ARHGAP42: variants seen among roughly 807,000 people sequenced by gnomAD.
ARHGAP42 encodes the protein Rho GTPase activating protein 42.
ARHGAP42 carries 63 observed loss-of-function variants against 125.0 expected under a neutral mutation model. The ratio of observed to expected loss-of-function variants is 0.50; its 90% confidence interval spans 0.41 to 0.62. ARHGAP42 has a LOEUF of 0.62. Ranked by LOEUF, ARHGAP42 falls within the 20% of genes least tolerant of loss-of-function variation. The pLI is 0.00. For synonymous variants in ARHGAP42, 339 were observed against 351.0 expected (o/e 0.97, Z 0.38); for missense variants, 766 against 1,024.2 (o/e 0.75, Z 3.44).
intron 3 of ARHGAP42, among the ~76,000 whole-genome samples, chr11:100,858,086 GGTGTGTGTGTGTGTGT>G (rs201861404): frequency 9.2e-6 from 1 of 108,920 alleles, no homozygotes; most frequent in Non-Finnish European, 2.2e-5. Flanking sequence ...TCTGGATAGG[GGTGTGTGTGTGTGTGT>G]GTGTGTGTGT....
intron 1 of ARHGAP42, among the ~76,000 whole-genome samples, chr11:100,745,122 T>TAATG (rs1265467914): frequency 6.6e-6 from 1 of 152,092 alleles, no homozygotes; most frequent in Non-Finnish European, 1.5e-5. Context: ...GTGGAGCAGG[T>TAATG]AATGGGAATA....
intron 2 of ARHGAP42, among the ~76,000 whole-genome samples, chr11:100,793,126 C>T (rs1863610888): frequency 6.6e-6 from 1 of 152,146 alleles, no homozygotes; most frequent in Non-Finnish European, 1.5e-5. Flanking sequence ...CTCTTGACTT[C>T]TTTCTCTGTA....
At chr11:100,736,142 C>G (rs1415889362) in intron 1 of ARHGAP42, among the ~76,000 whole-genome samples, 1 of 152,132 alleles carries the variant, frequency 6.6e-6, no homozygotes, top group Non-Finnish European at 1.5e-5. Context: ...ATGTGGTTAG[C>G]CCAAGGTTGT....
Position 100,992,973 on chromosome 11 carries a change from T to G in ARHGAP42, c.*4172T>G, listed in dbSNP as rs539373068. 1.1e-5 allele frequency: 4 copies of G among 376,322 alleles called. No individual in the cohort carries two copies. The highest frequency in any genetic ancestry group is 7.8e-4 in the Middle Eastern group (1 of 1,288). 23.3% of individuals were successfully genotyped at this position (376,322 alleles called of 1,614,324 possible). A position where few individuals can be genotyped will look rare whatever the true frequency, so the allele number is the denominator to read the frequency against. On this transcript the variant is annotated 3_prime_UTR_variant, in exon 24 of 24. Coordinates refer to ENST00000298815, the MANE Select transcript of ARHGAP42 (RefSeq NM_152432.4). The stretch of plus-strand genomic sequence containing the variant: ...CTTGGTGCTCTATGGAGAAATGGAG[T>G]CTGTGTGCTTACTGAAGAGTCCCAA...
chr11:100,855,561 T>TG (rs1449174894), intron 3 of ARHGAP42, among the ~76,000 whole-genome samples: 1 of 151,998 alleles, frequency 6.6e-6, no homozygotes. Context: ...CATGATTATG[T>TG]GGGGGAAAAA....
intron 2 of ARHGAP42, among the ~76,000 whole-genome samples, chr11:100,777,934 G>C (rs1863170014): frequency 6.6e-6 from 1 of 152,152 alleles, no homozygotes; most frequent in South Asian, 2.1e-4. Context: ...TATAATCCTA[G>C]TGCTTGCAGA....
intron 8 of ARHGAP42, among the ~76,000 whole-genome samples, 183 bp from the exon 9 acceptor site, chr11:100,941,601 G>A (rs1337228206): frequency 3.0e-5 from 1 of 32,922 alleles, no homozygotes; most frequent in Non-Finnish European, 5.9e-5. Context: ...CACGTTGTCT[G>A]ATTCTAAGAC....
chr11:100,889,470 T>G (rs989294097), intron 4 of ARHGAP42, among the ~76,000 whole-genome samples: 1 of 152,124 alleles, frequency 6.6e-6, no homozygotes, highest in African/African-American at 2.4e-5. Flanking sequence ...ATACCAAACC[T>G]CCTACTGCCT....
At position 100,752,323 on chromosome 11, in the gene ARHGAP42, T is replaced by C. The variant is rs547382283; in HGVS notation, c.155-18020T>C. ...AAGTTCCCTTTTCCAAGGCCCTTCA[T>C]GAGCACCAGGGCTGCCTGCCTGTTG... On this transcript the variant is annotated intron_variant, in intron 1 of 23. Coordinates refer to ENST00000298815, the MANE Select transcript of ARHGAP42 (RefSeq NM_152432.4). 1.1e-4 allele frequency among the ~76,000 whole-genome samples: 16 copies of C among 152,310 alleles called. No individual in the cohort carries two copies. The South Asian group carries it at 1.9e-3, about 18-fold the overall frequency.
At chr11:100,892,097 C>A (rs749905437) in intron 4 of ARHGAP42, among the ~76,000 whole-genome samples, 1 of 152,138 alleles carries the variant, frequency 6.6e-6, no homozygotes, top group African/African-American at 2.4e-5. Flanking sequence ...GCTACATTTA[C>A]GGAAAGCCTT....
At chr11:100,896,794 G>C (rs1419000760) in intron 4 of ARHGAP42, among the ~76,000 whole-genome samples, 1 of 152,140 alleles carries the variant, frequency 6.6e-6, no homozygotes, top group Non-Finnish European at 1.5e-5. Context: ...TAGGTTGCCT[G>C]TTCACTCTGA....
rs188956472 is a variant in ARHGAP42, at chr11:100,772,160, C to A, written c.250+1722C>A. On this transcript the variant is annotated intron_variant, in intron 2 of 23. Coordinates refer to ENST00000298815, the MANE Select transcript of ARHGAP42 (RefSeq NM_152432.4). The stretch of plus-strand genomic sequence containing the variant: ...CTAAGTAGCAAGTCTTAGCACAGAC[C>A]TCGCTGTGAAACAAAAGGGCAATGT... Among the ~76,000 whole-genome samples, 4 of 152,216 alleles carry A rather than the reference C, an allele frequency of 2.6e-5. No individual in the cohort carries two copies. The East Asian group carries it at 7.7e-4, about 29-fold the overall frequency.
chr11:100,893,159 G>GTGTGTGTGTGTA (rs1491183936), intron 4 of ARHGAP42, among the ~76,000 whole-genome samples: 1 of 6,614 alleles, frequency 1.5e-4, no homozygotes, highest in African/African-American at 2.1e-3. Context: ...ACATTTAGGG[G>GTGTGTGTGTGTA]TGTGTGTGTG....
At chr11:100,761,079 GC>G (rs1356081333) in intron 1 of ARHGAP42, among the ~76,000 whole-genome samples, 4 of 151,990 alleles carry the variant, frequency 2.6e-5, no homozygotes, top group African/African-American at 7.2e-5. Context: ...TTACTGGGAA[GC>G]TTAGGAAAAT....
In ARHGAP42 at chr11:100,882,634, C is replaced by G. The variant is rs139899522; in HGVS notation, c.384+23009C>G. On this transcript the variant is annotated intron_variant, in intron 4 of 23. Transcript: ENST00000298815. ...CCTCATAGAATGATTTAAGGATTCC[C>G]TCTTTCTCTCTCTTGTGGAATAGTG... Among the ~76,000 whole-genome samples, 769 of 152,040 alleles carry G rather than the reference C, an allele frequency of 5.1e-3. 5 individuals carry two copies. The highest frequency in any genetic ancestry group is 0.018 in the African/African-American group (729 of 41,488).
chr11:100,704,528 A>G (rs1861447272), intron 1 of ARHGAP42, among the ~76,000 whole-genome samples: 1 of 152,182 alleles, frequency 6.6e-6, no homozygotes, highest in Admixed American at 6.5e-5. Flanking sequence ...TTCATTCCTC[A>G]GACTGCTCTA....
chr11:100,715,670 T>A (rs1404240284), intron 1 of ARHGAP42, among the ~76,000 whole-genome samples: 1 of 152,146 alleles, frequency 6.6e-6, no homozygotes, highest in African/African-American at 2.4e-5. Context: ...GGCTTTAGAG[T>A]CCTCCTCTGA....
At chr11:100,716,548 G>T (rs895357249) in intron 1 of ARHGAP42, among the ~76,000 whole-genome samples, 9 of 152,090 alleles carry the variant, frequency 5.9e-5, no homozygotes, top group African/African-American at 2.2e-4. Context: ...GGACTCACTT[G>T]TATGTTTATT....
intron 22 of ARHGAP42, among the ~76,000 whole-genome samples, chr11:100,982,875 G>T (rs1221074428): frequency 2.6e-5 from 4 of 152,130 alleles, no homozygotes; most frequent in Non-Finnish European, 5.9e-5. Context: ...ATAAATCACT[G>T]GTTTAGAACA....
Sources: allele counts gnomAD v4.1 joint callset (sites outside exome capture counted in the v4.1 genomes callset), GRCh38; gene constraint gnomAD v4.1.1; transcripts MANE v1.5; gene names NCBI Gene and HGNC (gene_info 2026-07-23, HGNC 2026-07-21).